Variants in SLC25A21 observed in about 807,000 individuals in gnomAD.
SLC25A21 encodes mitochondrial 2-oxodicarboxylate carrier.
Under a neutral mutation model 43.8 loss-of-function variants are expected in SLC25A21, and 47 were observed. The observed-to-expected ratio is 1.07, with a 90% CI of 0.85 to 1.37. The LOEUF is 1.37. SLC25A21 is among the 40% of genes most tolerant of loss of function. The pLI is 0.00. For missense variants in SLC25A21, 352 were observed against 350.2 expected (o/e 1.00, Z -0.04); for synonymous variants, 131 against 121.3 (o/e 1.08, Z -0.52).
intron 1 of SLC25A21, among the ~76,000 whole-genome samples, chr14:37,167,330 G>C (rs1964046186): frequency 6.6e-6 from 1 of 152,078 alleles, no homozygotes; most frequent in African/African-American, 2.4e-5. Context: ...TCAATGACTT[G>C]GGGCCCTTCC....
chr14:36,993,218 G>A (rs541848274), intron 1 of SLC25A21, among the ~76,000 whole-genome samples: 1 of 152,234 alleles, frequency 6.6e-6, no homozygotes, highest in East Asian at 1.9e-4. Flanking sequence ...GTGTGTCCCT[G>A]TCTATGAAAT....
chr14:37,124,920 G>A (rs138145217), intron 1 of SLC25A21, among the ~76,000 whole-genome samples: 265 of 152,292 alleles, frequency 1.7e-3, no homozygotes, highest in African/African-American at 6.1e-3. Flanking sequence ...AGCTCCCTGA[G>A]GCCTCCCCAG....
chr14:36,886,402 A>G (rs1000238401), intron 1 of SLC25A21, among the ~76,000 whole-genome samples: 1 of 152,182 alleles, frequency 6.6e-6, no homozygotes, highest in Non-Finnish European at 1.5e-5. Flanking sequence ...AAACTTGCAA[A>G]CACTTTCACA....
chr14:36,998,844 CAAT>C (rs770556826), intron 1 of SLC25A21, among the ~76,000 whole-genome samples: 11 of 152,118 alleles, frequency 7.2e-5, no homozygotes, highest in East Asian at 3.9e-4. Flanking sequence ...ATTAAAACAA[CAAT>C]GAGACAGCAT....
At chr14:36,734,396 T>A in intron 4 of SLC25A21, 111 bp downstream of exon 4, 1 of 667,500 alleles carries the variant, frequency 1.5e-6, no homozygotes. Context: ...ATTTCTGCAT[T>A]AAAATTTTTA....
chr14:36,884,224 C>T (rs66482827), intron 1 of SLC25A21, among the ~76,000 whole-genome samples: 27,016 of 152,086 alleles, frequency 0.18, 3,065 homozygotes, highest in South Asian at 0.28. Context: ...CATGTAAGTG[C>T]GATCATGCAG....
chr14:36,914,239 A>G (rs1462372990), intron 1 of SLC25A21, among the ~76,000 whole-genome samples: 2 of 152,216 alleles, frequency 1.3e-5, no homozygotes, highest in African/African-American at 4.8e-5. Context: ...ACGAAAATTA[A>G]TAAATGATTC....
chr14:36,840,597 T>C (rs1889355494), intron 2 of SLC25A21, among the ~76,000 whole-genome samples: 1 of 152,236 alleles, frequency 6.6e-6, no homozygotes, highest in South Asian at 2.1e-4. Flanking sequence ...TTTCTTAAAA[T>C]GTATCATCCT....
chr14:36,835,901 T>C (rs1170074520), intron 2 of SLC25A21, among the ~76,000 whole-genome samples: 1 of 152,220 alleles, frequency 6.6e-6, no homozygotes, highest in Non-Finnish European at 1.5e-5. Context: ...GCACTCACCA[T>C]TGTCTTCCTT....
intron 1 of SLC25A21, among the ~76,000 whole-genome samples, chr14:37,143,141 C>A (rs994761148): frequency 3.3e-5 from 5 of 152,146 alleles, no homozygotes; most frequent in African/African-American, 1.2e-4. Context: ...TACAGGTGGC[C>A]TTATAATGGA....
chr14:36,787,990 G>A (rs1385029192), intron 3 of SLC25A21, among the ~76,000 whole-genome samples: 3 of 152,126 alleles, frequency 2.0e-5, no homozygotes, highest in East Asian at 1.9e-4. Context: ...TGATGTGGAC[G>A]CTAAGCAACT....
At chr14:36,807,579 T>G (rs1264822077) in intron 3 of SLC25A21, among the ~76,000 whole-genome samples, 16 of 151,618 alleles carry the variant, frequency 1.1e-4, no homozygotes, top group Non-Finnish European at 1.5e-4. Context: ...GCTCAGGGGG[T>G]TTTCTACAGG....
chr14:36,798,820 A>G (rs1887763512), intron 3 of SLC25A21, among the ~76,000 whole-genome samples: 1 of 152,080 alleles, frequency 6.6e-6, no homozygotes, highest in South Asian at 2.1e-4. Context: ...TAATAATGGG[A>G]TTGTCCAGCA....
At chr14:36,788,856 T>C (rs1887344786) in intron 3 of SLC25A21, 1 of 152,122 alleles carries the variant, frequency 6.6e-6, no homozygotes, top group Non-Finnish European at 1.5e-5. Flanking sequence ...TCTCTAGTTA[T>C]TTTACTCACC....
intron 1 of SLC25A21, among the ~76,000 whole-genome samples, chr14:37,162,244 G>C (rs1168527316): frequency 6.6e-6 from 1 of 152,116 alleles, no homozygotes; most frequent in African/African-American, 2.4e-5. Context: ...AGTTTCTTTT[G>C]CTGTGCAGAA....
intron 1 of SLC25A21, 37 bp from the exon 2 acceptor site, chr14:36,875,041 G>A (rs1180868257): frequency 1.6e-5 from 24 of 1,498,902 alleles, no homozygotes; most frequent in Non-Finnish European, 2.2e-5. Context: ...AAACACTTAT[G>A]TAAACACTGG....
At chr14:36,883,460 T>C (rs904275749) in intron 1 of SLC25A21, among the ~76,000 whole-genome samples, 2 of 152,206 alleles carry the variant, frequency 1.3e-5, no homozygotes, top group African/African-American at 4.8e-5. Flanking sequence ...TGCTCTGCTT[T>C]TTCATTTCTC....
At chr14:36,876,080 G>A (rs182671506) in intron 1 of SLC25A21, among the ~76,000 whole-genome samples, 3 of 152,140 alleles carry the variant, frequency 2.0e-5, no homozygotes, top group South Asian at 2.1e-4. Context: ...CAACTGATTC[G>A]CCCAAAGGCC....
chr14:36,880,985 G>C (rs891512323), intron 1 of SLC25A21, among the ~76,000 whole-genome samples: 4 of 152,182 alleles, frequency 2.6e-5, no homozygotes, highest in Admixed American at 6.6e-5. Flanking sequence ...GCACAGAAGG[G>C]ACACATTGAG....
Sources: allele counts gnomAD v4.1 joint callset (sites outside exome capture counted in the v4.1 genomes callset), GRCh38; gene constraint gnomAD v4.1.1; transcripts MANE v1.5; gene names NCBI Gene and HGNC (gene_info 2026-07-23, HGNC 2026-07-21).